CYSLTR2: variants seen among roughly 807,000 people sequenced by gnomAD.
CYSLTR2 encodes G-protein coupled receptor GPCR21.
For synonymous variants in CYSLTR2, 179 were observed against 160.8 expected, an observed-to-expected ratio of 1.11 and a Z score of -0.86; for missense variants, 398 against 411.9, an observed-to-expected ratio of 0.97 and a Z score of 0.29.
chr13:48,706,978 T>C lies in CYSLTR2; in HGVS notation c.161T>C (p.Leu54Ser). 1 of 1,614,232 alleles carries C rather than the reference T, an allele frequency of 6.2e-7. No individual in the cohort carries two copies. Among genetic ancestry groups the C allele is most frequent in the Non-Finnish European group, 8.5e-7 (1 of 1,180,042 alleles). The change falls in exon 5 of 5, where the codon TTG becomes TCG. Residue 54 changes from leucine to serine, a missense_variant. By Grantham distance (145) the Leu-to-Ser change is moderately radical. Transcript: ENST00000682523. ...VYLIIFFWGVLGNGLSIYVFL... is the reference protein window; with the variant it reads ...VYLIIFFWGVSGNGLSIYVFL... ...CTGATAATATTTTTCTGGGGAGTCT[T>C]GGGAAATGGGTTGTCCATATATGTT...
intron 1 of CYSLTR2, among the ~76,000 whole-genome samples, chr13:48,674,871 A>G (rs1337594772): frequency 6.6e-6 from 1 of 152,244 alleles, no homozygotes; most frequent in South Asian, 2.1e-4. Flanking sequence ...TCCTTCTAAC[A>G]GTCAGGCCTG....
At chr13:48,659,687 C>A (rs2138805202) in intron 1 of CYSLTR2, among the ~76,000 whole-genome samples, 1 of 152,220 alleles carries the variant, frequency 6.6e-6, no homozygotes, top group Non-Finnish European at 1.5e-5. Context: ...TTGGAATAAA[C>A]AGGACAATGT....
intron 2 of CYSLTR2, among the ~76,000 whole-genome samples, chr13:48,693,050 G>T (rs1954076803): frequency 6.6e-6 from 1 of 151,478 alleles, no homozygotes; most frequent in African/African-American, 2.4e-5. Context: ...AGCATTGTAA[G>T]AATTTTATAA....
intron 4 of CYSLTR2, among the ~76,000 whole-genome samples, chr13:48,705,650 T>C (rs998797035): frequency 4.0e-5 from 6 of 149,328 alleles, no homozygotes; most frequent in Non-Finnish European, 8.9e-5. Context: ...TATCTTATGA[T>C]AGTCTATTAG....
In CYSLTR2 at chr13:48,679,771, C is replaced by T. The variant is rs578083528; in HGVS notation, c.-265-11441C>T. ...GTTGGGGGAGCTGATAAAGGAAATG[C>T]CTTTCCCCGGAGCCCTTGGGCAGGT... On this transcript the variant is annotated intron_variant, in intron 1 of 4. Transcript: ENST00000682523. Among the ~76,000 whole-genome samples, 25 of 152,240 alleles carry T rather than the reference C, an allele frequency of 1.6e-4. 1 individual carries two copies. The South Asian group carries it at 4.3e-3, about 26-fold the overall frequency.
chr13:48,707,106 T>A lies in CYSLTR2; in HGVS notation c.289T>A (p.Tyr97Asn), dbSNP rs189829295. The A allele has an allele frequency of 5.7e-5, 92 of 1,614,222 alleles. No individual in the cohort carries two copies. Among genetic ancestry groups the A allele is most frequent in the Non-Finnish European group, 5.8e-5 (68 of 1,180,044 alleles). ...FISTLPFRAD[Y>N]YLRGSNWIFG... ...AAGCACGCTTCCCTTCAGGGCTGAC[T>A]ATTATCTTAGAGGCTCCAATTGGAT... Residue 97 changes from tyrosine (Y) to asparagine (N), a missense_variant, in exon 5 of 5, where the codon TAT becomes AAT. Tyr to Asn is a moderately radical substitution (Grantham distance 143). Transcript: ENST00000682523.
At chr13:48,698,613 C>T (rs1282399723) in intron 4 of CYSLTR2, among the ~76,000 whole-genome samples, 4 of 152,216 alleles carry the variant, frequency 2.6e-5, no homozygotes, top group Non-Finnish European at 2.9e-5. Context: ...ACTGCATCAA[C>T]TAACAAGCAA....
intron 1 of CYSLTR2, among the ~76,000 whole-genome samples, chr13:48,678,886 A>G (rs1953672380): frequency 6.6e-6 from 1 of 151,950 alleles, no homozygotes; most frequent in Non-Finnish European, 1.5e-5. Context: ...TCTGTTCTGC[A>G]CAATCACAAG....
At chr13:48,679,437 T>TACACACA (rs1428637701) in intron 1 of CYSLTR2, among the ~76,000 whole-genome samples, 1 of 152,204 alleles carries the variant, frequency 6.6e-6, no homozygotes, top group Non-Finnish European at 1.5e-5. Context: ...GCTGAGTATA[T>TACACACA]GTGGCACAGA....
intron 1 of CYSLTR2, among the ~76,000 whole-genome samples, chr13:48,686,610 C>A (rs1009709008): frequency 6.6e-6 from 1 of 152,148 alleles, no homozygotes; most frequent in Non-Finnish European, 1.5e-5. Flanking sequence ...ATGGGCTTTC[C>A]TCCCACAGTC....
rs139660915 is a variant in CYSLTR2, at chr13:48,682,162, C to T, written c.-265-9050C>T. Reference sequence around the variant, plus strand: ...GTGCCCTGCCCATCCAGAGCTGACACATAATTGTGACATTAATCCCTCTCC... The same window carrying T: ...GTGCCCTGCCCATCCAGAGCTGACATATAATTGTGACATTAATCCCTCTCC... On this transcript the variant is annotated intron_variant, in intron 1 of 4. Transcript: ENST00000682523. Among the ~76,000 whole-genome samples, 230 of 152,282 alleles carry T rather than the reference C, an allele frequency of 1.5e-3. 1 individual carries two copies. The Middle Eastern group carries it at 0.02, about 14-fold the overall frequency.
chr13:48,690,614 G>A (rs74856966), intron 1 of CYSLTR2, among the ~76,000 whole-genome samples: 14 of 152,046 alleles, frequency 9.2e-5, no homozygotes, highest in Admixed American at 3.9e-4. Flanking sequence ...CAACTGGATC[G>A]TAATGTATAA....
chr13:48,669,961 A>G (rs1035043221), intron 1 of CYSLTR2, among the ~76,000 whole-genome samples: 1 of 152,194 alleles, frequency 6.6e-6, no homozygotes, highest in African/African-American at 2.4e-5. Flanking sequence ...CTTTTCAATG[A>G]TCGCCATTCT....
chr13:48,683,331 T>C (rs537862032), intron 1 of CYSLTR2, among the ~76,000 whole-genome samples: 7 of 152,226 alleles, frequency 4.6e-5, no homozygotes, highest in Non-Finnish European at 1.0e-4. Flanking sequence ...TCTGAACAAA[T>C]TTACACTCTC....
intron 3 of CYSLTR2, among the ~76,000 whole-genome samples, chr13:48,696,016 C>G (rs997490428): frequency 6.6e-6 from 1 of 152,234 alleles, no homozygotes; most frequent in African/African-American, 2.4e-5. Context: ...TCATTTTACA[C>G]TCTCACCAGC....
chr13:48,701,228 A>T (rs1488962398), intron 4 of CYSLTR2, among the ~76,000 whole-genome samples: 1 of 152,246 alleles, frequency 6.6e-6, no homozygotes, highest in African/African-American at 2.4e-5. Context: ...CCTGACTTCA[A>T]GCTATACTAC....
intron 1 of CYSLTR2, among the ~76,000 whole-genome samples, chr13:48,665,252 A>G (rs530955381): frequency 6.6e-6 from 1 of 152,240 alleles, no homozygotes; most frequent in East Asian, 1.9e-4. Context: ...ATCATGGAGA[A>G]TGTTTCACAC....
At chr13:48,700,759 C>T (rs1954319976) in intron 4 of CYSLTR2, among the ~76,000 whole-genome samples, 1 of 152,012 alleles carries the variant, frequency 6.6e-6, no homozygotes, top group South Asian at 2.1e-4. Context: ...TAGAAAACCC[C>T]ATCGTCTCAG....
intron 1 of CYSLTR2, among the ~76,000 whole-genome samples, chr13:48,690,604 C>A (rs1276847351): frequency 2.0e-5 from 3 of 152,128 alleles, no homozygotes. Context: ...GGGCTGAAGC[C>A]AACTGGATCG....
Sources: gnomAD v4.1 joint callset for allele counts (sites outside exome capture counted in the v4.1 genomes callset) on GRCh38, gnomAD v4.1.1 for gene constraint, MANE v1.5 for transcripts, NCBI Gene and HGNC (gene_info 2026-07-23, HGNC 2026-07-21) for gene names.